The following F13B variants were observed in gnomAD, a reference collection of about 807,000 sequenced individuals.
The protein encoded by F13B is TGase.
In F13B, 58 loss-of-function variants were observed where a neutral mutation model predicts 79.8. The observed-to-expected ratio is 0.73, with a 90% CI of 0.59 to 0.90. The LOEUF is 0.90. Ranked by LOEUF, F13B falls within the 40% of genes least tolerant of loss-of-function variation. The pLI is 0.00. For missense variants in F13B, 773 were observed against 777.0 expected (o/e 0.99, Z 0.06); for synonymous variants, 283 against 260.3 (o/e 1.09, Z -0.84).
chr1:197,054,380 A>G (rs971404063), intron 8 of F13B, among the ~76,000 whole-genome samples: 1 of 152,116 alleles, frequency 6.6e-6, no homozygotes, highest in South Asian at 2.1e-4. Flanking sequence ...TGAGACCAAT[A>G]GCAAAATTCT....
At position 197,055,292 on chromosome 1, in the gene F13B, T is replaced by C. The variant is rs376092134; in HGVS notation, c.1354+423A>G. On this transcript the variant is annotated intron_variant, in intron 8 of 11. Transcript: ENST00000367412. ...GTAAAATTTAGCAATATACTCTATATAATATACTCTATAATATATTAGCAA... is the reference window on the plus strand; with the variant it reads ...GTAAAATTTAGCAATATACTCTATACAATATACTCTATAATATATTAGCAA... 6.6e-5 allele frequency among the ~76,000 whole-genome samples: 10 copies of C among 152,132 alleles called. No homozygotes were observed. The East Asian group carries it at 9.7e-4, about 15-fold the overall frequency.
Position 197,045,500 on chromosome 1 carries a change from A to T in F13B, c.1739-4765T>A, listed in dbSNP as rs530582678. On this transcript the variant is annotated intron_variant, in intron 10 of 11. Transcript: ENST00000367412. ...CTGAATAGACCAATAACAGGGTCTG[A>T]AATTGAGGCAATAATTAATAGCCTA... Among the ~76,000 whole-genome samples the T allele has an allele frequency of 1.2e-4, 19 of 152,342 alleles. No individual in the cohort carries two copies. In the South Asian group the frequency reaches 3.9e-3, roughly 32 times the overall value.
chr1:197,044,429 A>G (rs1286311533), intron 10 of F13B, among the ~76,000 whole-genome samples: 1 of 152,198 alleles, frequency 6.6e-6, no homozygotes, highest in Non-Finnish European at 1.5e-5. Context: ...ACATAATGGT[A>G]AAGGGATCAA....
intron 5 of F13B, 63 bp from the exon 6 acceptor site, chr1:197,057,528 T>C: frequency 6.6e-7 from 1 of 1,505,570 alleles, no homozygotes; most frequent in Admixed American, 1.7e-5. Flanking sequence ...AAAGATTAAA[T>C]TAAAATATTC....
intron 9 of F13B, among the ~76,000 whole-genome samples, chr1:197,051,207 C>T (rs545752990): frequency 1.3e-5 from 2 of 152,222 alleles, no homozygotes; most frequent in African/African-American, 4.8e-5. Context: ...CTGCACCTAG[C>T]CATAAAGCCA....
intron 9 of F13B, 124 bp downstream of exon 9, chr1:197,052,509 TA>T: frequency 3.0e-6 from 2 of 663,934 alleles, no homozygotes; most frequent in Non-Finnish European, 2.5e-6. Flanking sequence ...TAAAATAAAA[TA>T]AAATAAAACA....
At chr1:197,056,403 G>A (rs141038886) in intron 7 of F13B, among the ~76,000 whole-genome samples, 78 of 152,122 alleles carry the variant, frequency 5.1e-4, no homozygotes, top group African/African-American at 1.9e-3. Flanking sequence ...ATAAACATGT[G>A]TGTGGAGATG....
At position 197,040,901 on chromosome 1, in the gene F13B, A is replaced by G. The variant is rs560082071; in HGVS notation, c.1739-166T>C. Among the ~76,000 whole-genome samples the G allele has an allele frequency of 8.5e-5, 13 of 152,160 alleles. No individual in the cohort carries two copies. The South Asian group carries it at 2.7e-3, about 32-fold the overall frequency. ...AGAATTAATATTTGAGTCAGAAAAT[A>G]TGTTCAAATCTCACAGAAAACAGTG... On this transcript the variant is annotated intron_variant, in intron 10 of 11. Transcript: ENST00000367412.
At chr1:197,051,977 T>G (rs1655456850) in intron 9 of F13B, among the ~76,000 whole-genome samples, 1 of 152,202 alleles carries the variant, frequency 6.6e-6, no homozygotes, top group Non-Finnish European at 1.5e-5. Context: ...GTAAGTTTCC[T>G]GTTCACTCTG....
At chr1:197,061,382 A>C (rs1403693916) in intron 3 of F13B, among the ~76,000 whole-genome samples, 2 of 152,146 alleles carry the variant, frequency 1.3e-5, no homozygotes, top group Non-Finnish European at 2.9e-5. Context: ...TACAATTTAA[A>C]CAACTTACTA....
At chr1:197,058,740 G>C (rs11810678) in intron 5 of F13B, among the ~76,000 whole-genome samples, 1 of 152,092 alleles carries the variant, frequency 6.6e-6, no homozygotes, top group Non-Finnish European at 1.5e-5. Context: ...GTAAGGTAAC[G>C]TTTAATGGTT....
intron 10 of F13B, among the ~76,000 whole-genome samples, chr1:197,046,553 G>A (rs1379164917): frequency 6.6e-6 from 1 of 152,158 alleles, no homozygotes; most frequent in African/African-American, 2.4e-5. Flanking sequence ...TCATGGATAG[G>A]AAGAATCAAT....
At chr1:197,065,817 G>A (rs964386657) in intron 1 of F13B, among the ~76,000 whole-genome samples, 46 of 152,056 alleles carry the variant, frequency 3.0e-4, no homozygotes, top group African/African-American at 1.0e-3. Context: ...TTCAAGATTA[G>A]GAATAAGGGG....
At chr1:197,056,685 T>TGCA (rs1655652103) in intron 7 of F13B, among the ~76,000 whole-genome samples, 1 of 152,216 alleles carries the variant, frequency 6.6e-6, no homozygotes, top group East Asian at 1.9e-4. Flanking sequence ...CTTATTTACT[T>TGCA]ATCTAATGAA....
intron 9 of F13B, 40 bp downstream of exon 9, chr1:197,052,594 G>T: frequency 1.5e-6 from 2 of 1,378,618 alleles, no homozygotes; most frequent in Non-Finnish European, 2.1e-6. Flanking sequence ...AGCAGATATT[G>T]GTCAAGTAAA....
intron 5 of F13B, among the ~76,000 whole-genome samples, 193 bp from the exon 6 acceptor site, chr1:197,057,658 T>A (rs373356217): frequency 6.6e-6 from 1 of 152,186 alleles, no homozygotes; most frequent in Admixed American, 6.6e-5. Context: ...ACCTGTGACT[T>A]GCTTCTAGCC....
rs527734138 is a variant in F13B, at chr1:197,050,964, C to T, written c.1556-85G>A. On this transcript the variant is annotated intron_variant, in intron 9 of 11. Transcript: ENST00000367412. ...TAAGTGCTACAGAGACAGAGTCTCC[C>T]TCTGTCACCCAGGCTGGAGTATGGT... is the stretch of plus-strand genomic sequence containing the variant. 1,531 of 1,165,900 alleles carry T rather than the reference C, an allele frequency of 1.3e-3. 1 individual carries two copies. The highest frequency in any genetic ancestry group is 1.8e-3 in the Non-Finnish European group (1,418 of 799,008). 72.2% of individuals were successfully genotyped at this position (1,165,900 alleles called of 1,614,324 possible).
intron 10 of F13B, among the ~76,000 whole-genome samples, chr1:197,048,416 G>T (rs912183162): frequency 2.0e-5 from 3 of 151,758 alleles, no homozygotes; most frequent in Non-Finnish European, 2.9e-5. Flanking sequence ...AACCCAGAAG[G>T]TTGAAAGTTA....
chr1:197,039,217 G>T lies in F13B; in HGVS notation c.*161C>A. ...CAAACTAAAAATTAGACATTTATTG[G>T]TTTTCATTTATAAATAACGAAATGT... On this transcript the variant is annotated 3_prime_UTR_variant, in exon 12 of 12. Transcript: ENST00000367412. 1 of 631,690 alleles carries T rather than the reference G, an allele frequency of 1.6e-6. No individual in the cohort carries two copies. Among genetic ancestry groups the T allele is most frequent in the Non-Finnish European group, 2.8e-6 (1 of 361,544 alleles). The allele number at this position is 631,690 out of a possible 1,614,324, so 39.1% of individuals were successfully genotyped here.
Sources: gnomAD v4.1 joint callset for allele counts (sites outside exome capture counted in the v4.1 genomes callset) on GRCh38, gnomAD v4.1.1 for gene constraint, MANE v1.5 for transcripts, NCBI Gene and HGNC (gene_info 2026-07-23, HGNC 2026-07-21) for gene names.